The following VEPH1 variants were observed in gnomAD, a reference collection of about 807,000 sequenced individuals.
VEPH1 encodes the protein ventricular zone expressed PH domain containing 1.
A neutral mutation model predicts 85.2 loss-of-function variants in VEPH1; 80 were observed. The observed-to-expected ratio is 0.94, with a 90% confidence interval of 0.78 to 1.13. The LOEUF (loss-of-function observed/expected upper bound fraction) is 1.13. Ranked by LOEUF, VEPH1 falls within the 50% of genes most tolerant of loss-of-function variation. The probability of loss-of-function intolerance (pLI) is 0.00; values close to 1 mark genes in which losing one functional copy is unlikely to be tolerated. For synonymous variants in VEPH1, 297 were observed against 348.0 expected (o/e 0.85, Z 1.63); for missense variants, 955 against 980.5 (o/e 0.97, Z 0.35).
intron 12 of VEPH1, among the ~76,000 whole-genome samples, chr3:157,279,995 A>T (rs1715884824): frequency 7.0e-6 from 1 of 143,616 alleles, no homozygotes; most frequent in South Asian, 2.3e-4. Context: ...CAGCCTGGCG[A>T]CAGAGCAAGA....
chr3:157,348,441 C>T (rs534608102), intron 9 of VEPH1, among the ~76,000 whole-genome samples: 8 of 152,140 alleles, frequency 5.3e-5, no homozygotes, highest in Non-Finnish European at 1.0e-4. Flanking sequence ...TGATAATAGC[C>T]ACTGTAACTG....
chr3:157,316,332 A>G (rs2108527338), intron 10 of VEPH1, among the ~76,000 whole-genome samples: 2 of 152,102 alleles, frequency 1.3e-5, no homozygotes, highest in Non-Finnish European at 2.9e-5. Flanking sequence ...GCTGCATAAA[A>G]TAATGCATTT....
chr3:157,352,017 G>T (rs1338052382), intron 9 of VEPH1, among the ~76,000 whole-genome samples: 1 of 152,164 alleles, frequency 6.6e-6, no homozygotes, highest in African/African-American at 2.4e-5. Flanking sequence ...TTTAATGGTT[G>T]TATGTTTGTT....
intron 9 of VEPH1, among the ~76,000 whole-genome samples, chr3:157,361,740 A>G (rs1649118558): frequency 6.6e-6 from 1 of 152,230 alleles, no homozygotes; most frequent in African/African-American, 2.4e-5. Flanking sequence ...CCCTAGCACT[A>G]TGGCATTTTA....
chr3:157,445,720 C>T lies in VEPH1; in HGVS notation c.529+14461G>A, dbSNP rs1404433866. ...AGGAGAATCTCTTGAACCCGGGAGG[C>T]GGAGATTGCAGTGAGCCAAGATCGC... On this transcript the variant is annotated intron_variant, in intron 4 of 13. Transcript: ENST00000362010. 5.9e-5 allele frequency among the ~76,000 whole-genome samples: 9 copies of T among 151,890 alleles called. No homozygotes were observed. In the East Asian group the frequency reaches 1.7e-3, roughly 29 times the overall value.
rs1337926694 is a variant in VEPH1, at chr3:157,353,674, C to CT, written c.1735+9689dup. Among the ~76,000 whole-genome samples the CT allele has an allele frequency of 1.1e-4, 16 of 152,004 alleles. No homozygotes were observed. The South Asian group carries it at 1.2e-3, about 12-fold the overall frequency. ...ACATACATACACATATATGTAAATC[C>CT]TTTTTTTTCCTGGGTTTTCTTGGCT... On this transcript the variant is annotated intron_variant, in intron 9 of 13. Transcript: ENST00000362010.
At chr3:157,358,641 C>G (rs1725708989) in intron 9 of VEPH1, among the ~76,000 whole-genome samples, 1 of 152,168 alleles carries the variant, frequency 6.6e-6, no homozygotes, top group Admixed American at 6.5e-5. Context: ...GTGGACTTGA[C>G]TACATGCACA....
intron 3 of VEPH1, among the ~76,000 whole-genome samples, chr3:157,467,262 G>C (rs935934809): frequency 1.3e-5 from 2 of 152,016 alleles, no homozygotes; most frequent in African/African-American, 4.8e-5. Flanking sequence ...CAGACAGTAA[G>C]ACCCTGGGTT....
At chr3:157,396,861 T>C (rs1243459153) in intron 6 of VEPH1, among the ~76,000 whole-genome samples, 1 of 152,202 alleles carries the variant, frequency 6.6e-6, no homozygotes, top group Non-Finnish European at 1.5e-5. Flanking sequence ...GTCAGACGGA[T>C]AGATTGCAAA....
At chr3:157,297,830 A>T (rs73016286) in intron 11 of VEPH1, among the ~76,000 whole-genome samples, 4,012 of 152,312 alleles carry the variant, frequency 0.026, 181 homozygotes, top group African/African-American at 0.091. Context: ...GAGGTGCAGA[A>T]AAAAGGGACA....
rs548044808 is a variant in VEPH1, at chr3:157,390,451, A to G, written c.907-9075T>C. ...AGTAGTGTTAAGTGGAGATATTGAA[A>G]CTTGTTTTATTTTTGGAGTTGGTTA... On this transcript the variant is annotated intron_variant, in intron 6 of 13. Transcript: ENST00000362010. 5.9e-5 allele frequency among the ~76,000 whole-genome samples: 9 copies of G among 152,160 alleles called. No homozygotes were observed. The South Asian group carries it at 1.9e-3, about 32-fold the overall frequency.
chr3:157,331,155 C>T (rs1000523659), intron 9 of VEPH1, among the ~76,000 whole-genome samples: 2 of 152,190 alleles, frequency 1.3e-5, no homozygotes, highest in Non-Finnish European at 2.9e-5. Context: ...GATGCTGGGG[C>T]TCATCTGCAG....
Position 157,313,665 on chromosome 3 carries a change from T to A in VEPH1, c.1966A>T (p.Ser656Cys), listed in dbSNP as rs998679382. 5 of 1,614,074 alleles carry A rather than the reference T, an allele frequency of 3.1e-6. No homozygotes were observed. Among genetic ancestry groups the A allele is most frequent in the Middle Eastern group, 1.6e-4 (1 of 6,082 alleles). The change falls in exon 11 of 14, where the codon AGC becomes TGC. Residue 656 changes from serine (S) to cysteine (C), a missense_variant. Ser to Cys is a moderately radical substitution (Grantham distance 112). Transcript: ENST00000362010. ...WEKTQAGGAH[S>C]FETAMMESTF... Reference sequence around the variant, plus strand: ...GACTCCATCATGGCAGTTTCAAAGCTGTGAGCACCCCCTGCCTGGGTCTTC... The same window carrying A: ...GACTCCATCATGGCAGTTTCAAAGCAGTGAGCACCCCCTGCCTGGGTCTTC...
intron 7 of VEPH1, among the ~76,000 whole-genome samples, chr3:157,375,713 CT>C (rs1245568731): frequency 1.3e-5 from 2 of 152,140 alleles, no homozygotes; most frequent in Non-Finnish European, 2.9e-5. Context: ...TTTGTATCAT[CT>C]CTTTTCACTT....
intron 9 of VEPH1, among the ~76,000 whole-genome samples, chr3:157,348,763 C>T (rs1341156610): frequency 2.6e-5 from 4 of 152,222 alleles, no homozygotes; most frequent in Admixed American, 1.3e-4. Flanking sequence ...TCCGTGCTCT[C>T]CCTTCCACAC....
rs1725442796 is a variant in VEPH1, at chr3:157,356,465, C to A, written c.1735+6899G>T. On this transcript the variant is annotated intron_variant, in intron 9 of 13. Coordinates refer to ENST00000362010, the MANE Select transcript of VEPH1 (RefSeq NM_001167912.2). ...TATCAAATACCTGGACTCTCAATTG[C>A]TAACTATGTAATTGCCTATGATTTT... Among the ~76,000 whole-genome samples, 4 of 152,150 alleles carry A rather than the reference C, an allele frequency of 2.6e-5. No individual in the cohort carries two copies. In the South Asian group the frequency reaches 8.3e-4, roughly 32 times the overall value.
intron 12 of VEPH1, among the ~76,000 whole-genome samples, chr3:157,281,441 AC>A (rs889047437): frequency 1.1e-4 from 17 of 152,198 alleles, no homozygotes; most frequent in African/African-American, 4.1e-4. Flanking sequence ...TTGGTGCTCT[AC>A]CAACACTTAG....
chr3:157,322,634 G>A (rs770293966), intron 9 of VEPH1, among the ~76,000 whole-genome samples: 4 of 152,124 alleles, frequency 2.6e-5, no homozygotes, highest in Admixed American at 1.3e-4. Flanking sequence ...TCCAGAGCAG[G>A]GCTGGACATT....
At chr3:157,471,013 C>T (rs1736897351) in intron 2 of VEPH1, among the ~76,000 whole-genome samples, 1 of 152,156 alleles carries the variant, frequency 6.6e-6, no homozygotes, top group Non-Finnish European at 1.5e-5. Flanking sequence ...CCCATTTTAC[C>T]TTTCCCCAAC....
Sources: gnomAD v4.1 joint callset for allele counts (sites outside exome capture counted in the v4.1 genomes callset) on GRCh38, gnomAD v4.1.1 for gene constraint, MANE v1.5 for transcripts, NCBI Gene and HGNC (gene_info 2026-07-23, HGNC 2026-07-21) for gene names.